Variants in RAPGEF4 observed in about 807,000 individuals in gnomAD.
RAPGEF4 encodes RAP guanine-nucleotide-exchange factor (GEF) 4.
Under a neutral mutation model 147.9 loss-of-function variants are expected in RAPGEF4, and 66 were observed. The ratio of observed to expected loss-of-function variants is 0.45; its 90% CI spans 0.37 to 0.55. The LOEUF (loss-of-function observed/expected upper bound fraction) is 0.55. Among genes scored for constraint, RAPGEF4 ranks in the 20% least tolerant of loss-of-function variants. RAPGEF4 has a pLI of 0.00. For synonymous variants in RAPGEF4, 419 were observed against 442.7 expected (o/e 0.95, Z 0.67); for missense variants, 1,071 against 1,257.3 (o/e 0.85, Z 2.24).
chr2:172,742,393 T>G (rs1329437495), intron 1 of RAPGEF4, among the ~76,000 whole-genome samples: 1 of 152,216 alleles, frequency 6.6e-6, no homozygotes, highest in Non-Finnish European at 1.5e-5. Flanking sequence ...TTTTTCAGTC[T>G]GAATTTTCAT....
intron 9 of RAPGEF4, 97 bp from the exon 10 acceptor site, chr2:172,967,164 C>G (rs913350792): frequency 1.6e-6 from 2 of 1,260,534 alleles, no homozygotes; most frequent in Non-Finnish European, 2.2e-6. Flanking sequence ...TTTGCTGCCA[C>G]TTGGCCCTCC....
chr2:172,804,852 A>T (rs141239458), intron 3 of RAPGEF4, among the ~76,000 whole-genome samples: 1 of 152,310 alleles, frequency 6.6e-6, no homozygotes, highest in East Asian at 1.9e-4. Flanking sequence ...GCTGATGTAC[A>T]CTTCAGGCCC....
intron 4 of RAPGEF4, among the ~76,000 whole-genome samples, chr2:172,853,160 G>A (rs1014356079): frequency 2.0e-5 from 3 of 151,854 alleles, no homozygotes; most frequent in Non-Finnish European, 4.4e-5. Flanking sequence ...TCATAAAATG[G>A]TTGGGGATTG....
At chr2:173,018,877 A>G (rs892157624) in intron 22 of RAPGEF4, 75 bp downstream of exon 22, 2 of 1,523,444 alleles carry the variant, frequency 1.3e-6, no homozygotes, top group African/African-American at 1.4e-5. Context: ...GTAAGGAGTT[A>G]GCGTGGTCAT....
intron 1 of RAPGEF4, among the ~76,000 whole-genome samples, chr2:172,767,773 T>A (rs1317082213): frequency 1.3e-5 from 2 of 152,172 alleles, no homozygotes; most frequent in Non-Finnish European, 2.9e-5. Context: ...GCATCTTCTC[T>A]TGAGTTTATT....
chr2:172,954,071 T>C (rs1039369673), intron 6 of RAPGEF4, among the ~76,000 whole-genome samples: 49 of 152,096 alleles, frequency 3.2e-4, no homozygotes, highest in Non-Finnish European at 7.4e-5. Context: ...AGGAGACCCT[T>C]TTTTGGCTCT....
chr2:173,009,538 A>G (rs1559181751), intron 17 of RAPGEF4, among the ~76,000 whole-genome samples: 1 of 152,290 alleles, frequency 6.6e-6, no homozygotes, highest in Non-Finnish European at 1.5e-5. Context: ...CAAAATTCGA[A>G]GTTTTTTTAG....
intron 23 of RAPGEF4, among the ~76,000 whole-genome samples, chr2:173,023,932 T>C (rs577405161): frequency 9.2e-5 from 14 of 152,348 alleles, no homozygotes; most frequent in Non-Finnish European, 1.8e-4. Flanking sequence ...TTTGATCCTC[T>C]GAGAGGCAGT....
intron 15 of RAPGEF4, 60 bp downstream of exon 15, chr2:172,990,985 A>G: frequency 1.6e-6 from 2 of 1,278,280 alleles, no homozygotes; most frequent in South Asian, 2.5e-5. Context: ...ACATGGTATC[A>G]TCATTTCTAC....
At chr2:172,863,671 C>A (rs947978814) in intron 4 of RAPGEF4, among the ~76,000 whole-genome samples, 1 of 152,124 alleles carries the variant, frequency 6.6e-6, no homozygotes, top group Non-Finnish European at 1.5e-5. Flanking sequence ...CCCTAAATAA[C>A]TTATTGTGAT....
intron 1 of RAPGEF4, among the ~76,000 whole-genome samples, chr2:172,764,336 T>C (rs1043999723): frequency 1.4e-4 from 21 of 152,204 alleles, no homozygotes; most frequent in African/African-American, 4.8e-4. Flanking sequence ...CTTATCTCCT[T>C]ACATGATTCT....
chr2:173,034,426 G>A (rs1683650326), intron 27 of RAPGEF4, among the ~76,000 whole-genome samples: 1 of 152,110 alleles, frequency 6.6e-6, no homozygotes, highest in South Asian at 2.1e-4. Flanking sequence ...GGAAGAAGAC[G>A]GGGCTTCAGG....
chr2:173,008,351 A>T (rs888448225), intron 17 of RAPGEF4, among the ~76,000 whole-genome samples: 3 of 152,184 alleles, frequency 2.0e-5, no homozygotes, highest in Non-Finnish European at 4.4e-5. Context: ...TTGTTGTGAA[A>T]ATCAAATGAG....
At chr2:172,764,445 G>A (rs1696639118) in intron 1 of RAPGEF4, among the ~76,000 whole-genome samples, 1 of 152,212 alleles carries the variant, frequency 6.6e-6, no homozygotes. Flanking sequence ...TACCATAGGT[G>A]AGTGCATTTC....
chr2:172,832,906 C>A (rs1248764101), intron 4 of RAPGEF4, among the ~76,000 whole-genome samples: 1 of 152,240 alleles, frequency 6.6e-6, no homozygotes, highest in Non-Finnish European at 1.5e-5. Context: ...ATGGATTCAA[C>A]TAACCCCAGA....
intron 10 of RAPGEF4, among the ~76,000 whole-genome samples, chr2:172,976,160 C>T (rs1691041462): frequency 6.6e-6 from 1 of 152,126 alleles, no homozygotes. Context: ...GCTATTAGGA[C>T]TAGAAAGGGA....
intron 27 of RAPGEF4, among the ~76,000 whole-genome samples, chr2:173,034,904 A>T (rs1356415400): frequency 1.3e-5 from 2 of 151,794 alleles, no homozygotes; most frequent in African/African-American, 4.8e-5. Context: ...ACACACACAC[A>T]CACACAAATA....
intron 3 of RAPGEF4, among the ~76,000 whole-genome samples, chr2:172,802,444 A>G: frequency 6.6e-6 from 1 of 152,100 alleles, no homozygotes; most frequent in East Asian, 1.9e-4. Context: ...AAACGGTCAG[A>G]TCTTGTGAGA....
intron 4 of RAPGEF4, among the ~76,000 whole-genome samples, chr2:172,829,222 TTCTC>T (rs1690021036): frequency 6.6e-6 from 1 of 152,216 alleles, no homozygotes; most frequent in African/African-American, 2.4e-5. Context: ...CTGCAGGTCT[TTCTC>T]AGTCAGTGCC....
Sources: gnomAD v4.1 joint callset for allele counts (sites outside exome capture counted in the v4.1 genomes callset) on GRCh38, gnomAD v4.1.1 for gene constraint, MANE v1.5 for transcripts, NCBI Gene and HGNC (gene_info 2026-07-23, HGNC 2026-07-21) for gene names.